The following ZNF124 variants were observed in gnomAD, a reference collection of about 807,000 sequenced individuals.
ZNF124 encodes the protein zinc finger protein HZF-16.
ZNF124 carries 25 observed loss-of-function variants against 26.6 expected under a neutral mutation model. That is an observed-to-expected ratio of 0.94 (90% CI 0.68 to 1.31). The LOEUF (loss-of-function observed/expected upper bound fraction) is 1.31. Among genes scored for constraint, ZNF124 ranks in the 40% most tolerant of loss-of-function variants. ZNF124 has a pLI of 0.00. For missense variants in ZNF124, 444 were observed against 422.2 expected (o/e 1.05, Z -0.45); for synonymous variants, 129 against 133.3 (o/e 0.97, Z 0.22).
intron 3 of ZNF124, among the ~76,000 whole-genome samples, chr1:247,126,080 G>A (rs938769762): frequency 6.6e-6 from 1 of 152,088 alleles, no homozygotes; most frequent in Non-Finnish European, 1.5e-5. Context: ...TGACCAACAT[G>A]GTGAAACCCG....
intron 3 of ZNF124, among the ~76,000 whole-genome samples, chr1:247,144,155 T>C (rs1672701910): frequency 6.6e-6 from 1 of 152,158 alleles, no homozygotes; most frequent in Admixed American, 6.5e-5. Context: ...TTAATGCCCT[T>C]CCATTCTCCA....
At chr1:247,170,452 C>G (rs1303891543) in intron 1 of ZNF124, among the ~76,000 whole-genome samples, 4 of 150,478 alleles carry the variant, frequency 2.7e-5, no homozygotes, top group Non-Finnish European at 3.0e-5. Flanking sequence ...ATTTGAGACC[C>G]TGCTTGCCTT....
chr1:247,166,415 G>T (rs990687824), intron 1 of ZNF124, among the ~76,000 whole-genome samples: 5 of 152,102 alleles, frequency 3.3e-5, no homozygotes, highest in Non-Finnish European at 4.4e-5. Context: ...TGCATGCATA[G>T]GTTCACTGTA....
Position 247,168,503 on chromosome 1 carries a change from C to T in ZNF124, c.30+3345G>A, listed in dbSNP as rs1212821668. On this transcript the variant is annotated intron_variant, in intron 1 of 3. Coordinates refer to ENST00000543802, the MANE Select transcript of ZNF124 (RefSeq NM_001297568.2). The surrounding 1 kb of genome is among the most constrained non-coding windows in gnomAD (Gnocchi z 4.0). ...GAGCCAAGATCGTGCCACTGCACTA[C>T]AGCCTGGGTAACAGAGTGAGACTCT... Among the ~76,000 whole-genome samples the T allele has an allele frequency of 2.0e-5, 3 of 152,236 alleles. No individual in the cohort carries two copies. Among genetic ancestry groups the T allele is most frequent in the African/African-American group, 4.8e-5 (2 of 41,460 alleles).
chr1:247,159,595 C>A, intron 2 of ZNF124, 92 bp downstream of exon 2: 1 of 1,386,180 alleles, frequency 7.2e-7, no homozygotes, highest in East Asian at 2.3e-5. Context: ...TCAAAGTGTT[C>A]CCTTTGTACA....
At chr1:247,152,053 G>A (rs1157499787), downstream of ZNF124, among the ~76,000 whole-genome samples, 3 of 128,320 alleles carry the variant, frequency 2.3e-5, no homozygotes, top group African/African-American at 9.2e-5. Flanking sequence ...CCCACCCCCC[G>A]CTTTTTTTTT....
At position 247,127,870 on chromosome 1, in the gene ZNF124, C is replaced by T. The variant is rs1443786369; in HGVS notation, c.219-3999G>A. ...GAATGAAGCCCTTCCTTCTTTAACT[C>T]GGTGTCTGAGGGGTTTTGTCTGCAG... On this transcript the variant is annotated intron_variant, in intron 3 of 3. Transcript: ENST00000472531. 4.0e-5 allele frequency among the ~76,000 whole-genome samples: 6 copies of T among 151,838 alleles called. No homozygotes were observed. The South Asian group carries it at 6.2e-4, about 16-fold the overall frequency.
At chr1:247,166,570 T>C (rs2103135485) in intron 1 of ZNF124, among the ~76,000 whole-genome samples, 1 of 152,304 alleles carries the variant, frequency 6.6e-6, no homozygotes, top group East Asian at 1.9e-4. Context: ...AGAATACATA[T>C]ACAATAAGAG....
rs532374477 is a variant in ZNF124 at position 247,168,161 on chromosome 1, C to G, written c.30+3687G>C. ...AACAGTATGAAGATTCCTTAAAGAA[C>G]TAAAAGTAGAACTACCATTCAATCC... On this transcript the variant is annotated intron_variant, in intron 1 of 3. Coordinates refer to ENST00000543802, the MANE Select transcript of ZNF124 (RefSeq NM_001297568.2). The surrounding 1 kb of genome is among the most constrained non-coding windows in gnomAD (Gnocchi z 4.0). Among the ~76,000 whole-genome samples, 1 of 152,236 alleles carries G rather than the reference C, an allele frequency of 6.6e-6. No individual in the cohort carries two copies. Among genetic ancestry groups the G allele is most frequent in the East Asian group, 1.9e-4 (1 of 5,182 alleles).
rs1673796712 is a variant in ZNF124, at chr1:247,166,668, G to T, written c.30+5180C>A. On this transcript the variant is annotated intron_variant, in intron 1 of 3. Transcript: ENST00000543802. ...CAGCAAGTTGGATAACATTGATGAG[G>T]TGAACAAATGTCTAGAAACACACAG... Among the ~76,000 whole-genome samples the T allele has an allele frequency of 2.0e-5, 3 of 152,168 alleles. No homozygotes were observed. The South Asian group carries it at 6.2e-4, about 31-fold the overall frequency.
downstream of ZNF124, among the ~76,000 whole-genome samples, chr1:247,154,095 C>G (rs2103115455): frequency 6.8e-6 from 1 of 146,618 alleles, no homozygotes. Flanking sequence ...GAGTGGATGT[C>G]TCCTTGTACA....
chr1:247,131,076 A>T (rs1018800912), intron 3 of ZNF124, among the ~76,000 whole-genome samples: 6 of 152,198 alleles, frequency 3.9e-5, no homozygotes, highest in East Asian at 1.9e-4. Flanking sequence ...CAAAACAAAC[A>T]AACTAAAAAA....
chr1:247,132,646 C>T (rs764122075), intron 3 of ZNF124, among the ~76,000 whole-genome samples: 10 of 152,224 alleles, frequency 6.6e-5, no homozygotes, highest in Non-Finnish European at 1.0e-4. Flanking sequence ...ATGAAATCCA[C>T]AGGCAGACAG....
In ZNF124 at chr1:247,169,664, G is replaced by A. The variant is rs369169240; in HGVS notation, c.30+2184C>T. Among the ~76,000 whole-genome samples, 512 of 147,658 alleles carry A rather than the reference G, an allele frequency of 3.5e-3. 5 individuals are homozygous for A. Among genetic ancestry groups the A allele is most frequent in the African/African-American group, 0.011 (420 of 38,824 alleles). Reference sequence around the variant, plus strand: ...TCAGGTTCCTGCCTCACTGCGGGGCGGGGTTTCCTTGTACTTTGGAATAGC... The same window carrying A: ...TCAGGTTCCTGCCTCACTGCGGGGCAGGGTTTCCTTGTACTTTGGAATAGC... On this transcript the variant is annotated intron_variant, in intron 1 of 3. Coordinates refer to ENST00000543802, the MANE Select transcript of ZNF124 (RefSeq NM_001297568.2).
intron 3 of ZNF124, among the ~76,000 whole-genome samples, chr1:247,143,176 T>A (rs1672671832): frequency 6.6e-6 from 1 of 152,128 alleles, no homozygotes; most frequent in African/African-American, 2.4e-5. Context: ...TGGGCCTAAT[T>A]CAATAATATA....
intron 3 of ZNF124, among the ~76,000 whole-genome samples, chr1:247,130,881 G>A (rs1425558417): frequency 1.3e-5 from 2 of 152,174 alleles, no homozygotes; most frequent in African/African-American, 2.4e-5. Flanking sequence ...TTCAAGACCA[G>A]CCTGACCAAC....
At chr1:247,127,697 C>T (rs960213455) in intron 3 of ZNF124, among the ~76,000 whole-genome samples, 1 of 148,738 alleles carries the variant, frequency 6.7e-6, no homozygotes, top group Admixed American at 7.0e-5. Context: ...TGCATGCAGC[C>T]CCCAGTCACG....
rs571933262 is a variant in ZNF124, at chr1:247,128,163, G to A, written c.219-4292C>T. 7.0e-4 allele frequency among the ~76,000 whole-genome samples: 106 copies of A among 152,270 alleles called. 1 individual carries two copies. The South Asian group carries it at 7.2e-3, about 10-fold the overall frequency. ...TTGAACCAGATGCAGTATTGTAATTGTTTATCATGTTTTCACTGAGCAGTG... is the reference window on the plus strand; with the variant it reads ...TTGAACCAGATGCAGTATTGTAATTATTTATCATGTTTTCACTGAGCAGTG... On this transcript the variant is annotated intron_variant, in intron 3 of 3. Coordinates refer to the ZNF124 transcript ENST00000472531.
chr1:247,159,107 A>G (rs1673331327), intron 2 of ZNF124, 41 bp from the exon 3 acceptor site: 2 of 1,573,844 alleles, frequency 1.3e-6, no homozygotes, highest in Non-Finnish European at 8.7e-7. Flanking sequence ...ATTATTTGAA[A>G]TTATAGAAAA....
Sources: allele counts gnomAD v4.1 joint callset (sites outside exome capture counted in the v4.1 genomes callset), GRCh38; gene constraint gnomAD v4.1.1; non-coding constraint Gnocchi (gnomAD v3.1); transcripts MANE v1.5; gene names NCBI Gene and HGNC (gene_info 2026-07-23, HGNC 2026-07-21).